RALYL: variants seen among roughly 807,000 people sequenced by gnomAD.
RALYL encodes RNA-binding Raly-like protein.
A neutral mutation model predicts 35.1 loss-of-function variants in RALYL; 29 were observed. That is an observed-to-expected ratio of 0.83 (90% confidence interval 0.61 to 1.13). The LOEUF (loss-of-function observed/expected upper bound fraction) is 1.13. RALYL is among the 50% of genes most tolerant of loss of function. The probability of loss-of-function intolerance (pLI) is 0.00; values close to 1 mark genes in which losing one functional copy is unlikely to be tolerated. For missense variants in RALYL, 359 were observed against 360.4 expected (o/e 1.00, Z 0.03); for synonymous variants, 120 against 127.6 (o/e 0.94, Z 0.40).
intron 2 of RALYL, among the ~76,000 whole-genome samples, chr8:84,649,500 G>C (rs1018517800): frequency 1.3e-5 from 2 of 151,866 alleles, no homozygotes; most frequent in Admixed American, 6.6e-5. Context: ...TCTACATATG[G>C]CTAGCCAGTT....
intron 1 of RALYL, among the ~76,000 whole-genome samples, chr8:84,415,299 A>T (rs2044566791): frequency 6.6e-6 from 1 of 150,716 alleles, no homozygotes; most frequent in South Asian, 2.1e-4. Flanking sequence ...CAACGGTGCA[A>T]TCTCGGCTCG....
chr8:84,539,830 A>G (rs1490419388), intron 2 of RALYL, among the ~76,000 whole-genome samples: 2 of 7,758 alleles, frequency 2.6e-4, no homozygotes, highest in Admixed American at 3.3e-3. Context: ...GTGATCAAGT[A>G]TACATATATA....
At chr8:84,665,030 C>G (rs1831709760) in intron 2 of RALYL, among the ~76,000 whole-genome samples, 1 of 152,090 alleles carries the variant, frequency 6.6e-6, no homozygotes, top group South Asian at 2.1e-4. Flanking sequence ...GAGTTTTTAA[C>G]ATGAAGGGAT....
At chr8:84,212,707 C>A (rs1394755313) in intron 1 of RALYL, among the ~76,000 whole-genome samples, 2 of 152,090 alleles carry the variant, frequency 1.3e-5, no homozygotes, top group Non-Finnish European at 2.9e-5. Flanking sequence ...CATTGAAAAA[C>A]AAGACTGATA....
intron 1 of RALYL, among the ~76,000 whole-genome samples, chr8:84,468,931 C>T (rs985735954): frequency 1.3e-5 from 2 of 151,618 alleles, no homozygotes; most frequent in East Asian, 3.9e-4. Context: ...TCCAGTTGAT[C>T]GCATCGGCTC....
chr8:84,696,717 C>A (rs1324384789), intron 2 of RALYL, among the ~76,000 whole-genome samples: 1 of 151,862 alleles, frequency 6.6e-6, no homozygotes, highest in Non-Finnish European at 1.5e-5. Flanking sequence ...GTATCTAAGG[C>A]CGTTTAAGTA....
intron 2 of RALYL, among the ~76,000 whole-genome samples, chr8:84,545,574 T>C (rs1327664883): frequency 6.6e-6 from 1 of 152,198 alleles, no homozygotes; most frequent in African/African-American, 2.4e-5. Flanking sequence ...TTTGTCCAGA[T>C]CTACTTTTGT....
chr8:84,664,329 C>T (rs11991063), intron 2 of RALYL, among the ~76,000 whole-genome samples: 13,414 of 119,270 alleles, frequency 0.11, 1,661 homozygotes, highest in African/African-American at 0.33. Context: ...TTTTTGGTTC[C>T]GTATGAATTT....
intron 2 of RALYL, among the ~76,000 whole-genome samples, chr8:84,573,648 C>A (rs1808594598): frequency 6.6e-6 from 1 of 151,750 alleles, no homozygotes. Context: ...GAACTCCAAT[C>A]CACGTATGTT....
chr8:84,579,378 C>T (rs998464825), intron 2 of RALYL, among the ~76,000 whole-genome samples: 1 of 152,178 alleles, frequency 6.6e-6, no homozygotes, highest in Non-Finnish European at 1.5e-5. Flanking sequence ...GTGCAGGGAT[C>T]CCTGGTCCAG....
chr8:84,449,660 T>C (rs1361726274), intron 1 of RALYL, among the ~76,000 whole-genome samples: 4 of 152,026 alleles, frequency 2.6e-5, no homozygotes, highest in Non-Finnish European at 5.9e-5. Flanking sequence ...TGCATTTTCA[T>C]AGAATGGATG....
intron 1 of RALYL, among the ~76,000 whole-genome samples, chr8:84,300,350 A>G (rs181241910): frequency 1.9e-3 from 286 of 151,944 alleles, no homozygotes; most frequent in Non-Finnish European, 3.4e-3. Flanking sequence ...TCAGAATTGT[A>G]TTATGGCTGA....
At chr8:84,586,778 A>T (rs889828416) in intron 2 of RALYL, among the ~76,000 whole-genome samples, 2 of 152,194 alleles carry the variant, frequency 1.3e-5, no homozygotes, top group Non-Finnish European at 2.9e-5. Flanking sequence ...TTAAAAAAAA[A>T]GTCTCATGAC....
At chr8:84,731,982 C>T (rs1281138766) in intron 2 of RALYL, among the ~76,000 whole-genome samples, 1 of 152,072 alleles carries the variant, frequency 6.6e-6, no homozygotes, top group East Asian at 1.9e-4. Flanking sequence ...TACCCTTCCC[C>T]CTTTATTTGT....
At position 84,424,330 on chromosome 8, in the gene RALYL, A is replaced by T. The variant is rs562638573; in HGVS notation, c.-23-104969A>T. ...TTCCATTGCTGATACCCTTTCTTCCAGTTGATCGCATTGGCTCCTGAGGCT... is the reference window on the plus strand; with the variant it reads ...TTCCATTGCTGATACCCTTTCTTCCTGTTGATCGCATTGGCTCCTGAGGCT... On this transcript the variant is annotated intron_variant, in intron 1 of 8. Transcript: ENST00000521268. 4.2e-3 allele frequency among the ~76,000 whole-genome samples: 454 copies of T among 107,574 alleles called. 11 individuals are homozygous for T. Among genetic ancestry groups the T allele is most frequent in the Non-Finnish European group, 6.7e-3 (362 of 53,814 alleles). 70.6% of individuals were successfully genotyped at this position (107,574 alleles called of 152,430 possible).
At chr8:84,415,682 T>G (rs2044620337) in intron 1 of RALYL, among the ~76,000 whole-genome samples, 1 of 152,180 alleles carries the variant, frequency 6.6e-6, no homozygotes, top group Non-Finnish European at 1.5e-5. Flanking sequence ...TAGGAGACAC[T>G]GGTTTTTTTT....
intron 8 of RALYL, among the ~76,000 whole-genome samples, chr8:84,890,298 A>T (rs991658230): frequency 6.6e-6 from 1 of 152,120 alleles, no homozygotes; most frequent in African/African-American, 2.4e-5. Flanking sequence ...TTGTGGCAGG[A>T]GTTTGAGGGA....
At chr8:84,349,017 T>A (rs534891246) in intron 1 of RALYL, among the ~76,000 whole-genome samples, 13 of 150,150 alleles carry the variant, frequency 8.7e-5, no homozygotes, top group Non-Finnish European at 1.9e-4. Context: ...ACCACTGGTT[T>A]AGATTTGCTG....
At chr8:84,804,721 T>C in intron 3 of RALYL, 49 bp from the exon 4 acceptor site, 2 of 984,384 alleles carry the variant, frequency 2.0e-6, no homozygotes, top group Non-Finnish European at 2.7e-6. Flanking sequence ...AATTTTTGAA[T>C]ATACAGCAAA....
Sources: allele counts gnomAD v4.1 joint callset (sites outside exome capture counted in the v4.1 genomes callset), GRCh38; gene constraint gnomAD v4.1.1; transcripts MANE v1.5; gene names NCBI Gene and HGNC (gene_info 2026-07-23, HGNC 2026-07-21).